SORCS2: variants seen among roughly 807,000 people sequenced by gnomAD.
SORCS2 encodes VPS10 domain-containing receptor SorCS2.
Under a neutral mutation model 141.6 loss-of-function variants are expected in SORCS2, and 100 were observed. The ratio of observed to expected loss-of-function variants is 0.71; its 90% CI spans 0.60 to 0.83. The LOEUF (loss-of-function observed/expected upper bound fraction) is 0.83. Among genes scored for constraint, SORCS2 ranks in the 40% least tolerant of loss-of-function variants. SORCS2 has a pLI of 0.00. For synonymous variants in SORCS2, 789 were observed against 676.9 expected (o/e 1.17, Z -2.57); for missense variants, 1,646 against 1,560.2 (o/e 1.05, Z -0.93).
At chr4:7,628,608 A>C (rs1435658383) in intron 3 of SORCS2, among the ~76,000 whole-genome samples, 2 of 151,980 alleles carry the variant, frequency 1.3e-5, no homozygotes, top group African/African-American at 4.8e-5. Flanking sequence ...CACCGACTAC[A>C]TGCCAGGTAG....
Position 7,725,235 on chromosome 4 carries a change from C to T in SORCS2, c.2693C>T (p.Pro898Leu). Residue 898 changes from proline (P) to leucine (L), a missense_variant, in exon 20 of 27, where the codon CCC (proline) becomes CTC (leucine). Coordinates refer to ENST00000507866, the MANE Select transcript of SORCS2 (RefSeq NM_020777.3). ...GTGAACCTCACAGCTGTGCTGCTTC[C>T]CTTGAACCCTAACCTCACCGTCTTC... ...QEVNLTAVLL[P>L]LNPNLTVFYW... 6.2e-7 allele frequency: 1 copy of T among 1,613,618 alleles called. No homozygotes were observed. The highest frequency in any genetic ancestry group is 8.5e-7 in the Non-Finnish European group (1 of 1,179,666).
intron 2 of SORCS2, among the ~76,000 whole-genome samples, chr4:7,414,103 C>T (rs907730932): frequency 2.0e-5 from 3 of 152,188 alleles, no homozygotes; most frequent in African/African-American, 7.2e-5. Flanking sequence ...CAAGGCGAGA[C>T]AAGGATACGC....
At chr4:7,684,912 A>G (rs1723780600) in intron 10 of SORCS2, among the ~76,000 whole-genome samples, 1 of 152,156 alleles carries the variant, frequency 6.6e-6, no homozygotes, top group African/African-American at 2.4e-5. Flanking sequence ...CCCTGGGGCC[A>G]GGGTGGGACT....
chr4:7,676,580 C>T (rs1008021037), intron 9 of SORCS2, among the ~76,000 whole-genome samples: 3 of 152,106 alleles, frequency 2.0e-5, no homozygotes, highest in Non-Finnish European at 2.9e-5. Context: ...CCTCATCAGA[C>T]GTCCTGGGCT....
intron 4 of SORCS2, among the ~76,000 whole-genome samples, chr4:7,644,295 A>G (rs1423190735): frequency 6.6e-6 from 1 of 152,160 alleles, no homozygotes; most frequent in Non-Finnish European, 1.5e-5. Context: ...GCACCTGGTA[A>G]CTTCCATAAA....
intron 4 of SORCS2, among the ~76,000 whole-genome samples, chr4:7,639,589 G>A (rs922341794): frequency 4.6e-5 from 7 of 151,734 alleles, no homozygotes; most frequent in African/African-American, 1.2e-4. Flanking sequence ...GTGGGAATGC[G>A]AGTGTGGGTG....
intron 3 of SORCS2, among the ~76,000 whole-genome samples, chr4:7,589,284 G>A (rs943854492): frequency 1.3e-5 from 2 of 152,178 alleles, no homozygotes; most frequent in African/African-American, 2.4e-5. Flanking sequence ...GAGGGACTTC[G>A]GGCATAGAAC....
intron 1 of SORCS2, among the ~76,000 whole-genome samples, chr4:7,229,456 C>G (rs2108773353): frequency 1.3e-5 from 2 of 152,326 alleles, no homozygotes; most frequent in Middle Eastern, 6.8e-3. Flanking sequence ...AGAAAGAGAG[C>G]CTCTGTCTTG....
At chr4:7,361,021 G>A (rs1281479213) in intron 1 of SORCS2, among the ~76,000 whole-genome samples, 1 of 152,060 alleles carries the variant, frequency 6.6e-6, no homozygotes, top group Non-Finnish European at 1.5e-5. Flanking sequence ...GCTCCCTGGA[G>A]CTTCTGTGAC....
chr4:7,342,222 G>C (rs1720408070), intron 1 of SORCS2, among the ~76,000 whole-genome samples: 2 of 152,162 alleles, frequency 1.3e-5, no homozygotes, highest in African/African-American at 4.8e-5. Context: ...CAGCTCCTAA[G>C]GGCCAGTGAC....
At chr4:7,261,873 CA>C (rs766069670) in intron 1 of SORCS2, among the ~76,000 whole-genome samples, 1 of 152,224 alleles carries the variant, frequency 6.6e-6, no homozygotes, top group African/African-American at 2.4e-5. Context: ...ATTAGTGAGC[CA>C]GATGACCGAG....
intron 2 of SORCS2, among the ~76,000 whole-genome samples, chr4:7,426,617 C>G (rs1463972091): frequency 1.3e-5 from 2 of 152,170 alleles, no homozygotes; most frequent in African/African-American, 4.8e-5. Context: ...GGAAATAGCA[C>G]ATGTACTGGG....
chr4:7,433,101 G>T, intron 2 of SORCS2: 1 of 422,534 alleles, frequency 2.4e-6, no homozygotes, highest in Non-Finnish European at 4.0e-6. Context: ...AGTGTGTTCC[G>T]GTCCAGTAGA....
chr4:7,235,185 G>T (rs956621791), intron 1 of SORCS2, among the ~76,000 whole-genome samples: 3 of 152,242 alleles, frequency 2.0e-5, no homozygotes. Context: ...GAGGTGGCGA[G>T]CACACAGCAC....
At chr4:7,676,250 G>A in intron 9 of SORCS2, 21 bp downstream of exon 9, 1 of 1,546,138 alleles carries the variant, frequency 6.5e-7, no homozygotes, top group Non-Finnish European at 8.7e-7. Context: ...GGTGGATGTG[G>A]GCCAGGTCTG....
chr4:7,661,399 A>T, intron 5 of SORCS2, 101 bp from the exon 6 acceptor site: 1 of 1,297,396 alleles, frequency 7.7e-7, no homozygotes, highest in African/African-American at 1.5e-5. Context: ...GGGCGGCTTC[A>T]GAACCAGGGA....
intron 3 of SORCS2, among the ~76,000 whole-genome samples, chr4:7,600,663 A>G (rs1717608527): frequency 9.3e-6 from 1 of 107,710 alleles, no homozygotes; most frequent in South Asian, 2.6e-4. Context: ...ATATACACAC[A>G]CACACACACA....
intron 1 of SORCS2, among the ~76,000 whole-genome samples, chr4:7,357,216 C>A (rs1214552102): frequency 1.3e-5 from 2 of 152,310 alleles, no homozygotes; most frequent in Non-Finnish European, 2.9e-5. Context: ...GCCCCGGGGA[C>A]TCGGGAGGGA....
At chr4:7,580,047 A>C (rs1716041017) in intron 3 of SORCS2, among the ~76,000 whole-genome samples, 1 of 152,206 alleles carries the variant, frequency 6.6e-6, no homozygotes, top group Non-Finnish European at 1.5e-5. Flanking sequence ...TATAAATTGT[A>C]AATGGGTATT....
Sources: allele counts gnomAD v4.1 joint callset (sites outside exome capture counted in the v4.1 genomes callset), GRCh38; gene constraint gnomAD v4.1.1; transcripts MANE v1.5; gene names NCBI Gene and HGNC (gene_info 2026-07-23, HGNC 2026-07-21).